The following UGT1A8 variants were observed in gnomAD, a reference collection of about 807,000 sequenced individuals.
UGT1A8 encodes the protein UDP glucuronosyltransferase family 1 member A8, also known as UDP-glucuronosyltransferase 1A8.
Under a neutral mutation model 45.3 loss-of-function variants are expected in UGT1A8, and 39 were observed. The observed-to-expected ratio is 0.86, with a 90% CI of 0.67 to 1.12. UGT1A8 has a LOEUF of 1.12. Among genes scored for constraint, UGT1A8 ranks in the 50% most tolerant of loss-of-function variants. UGT1A8 has a pLI of 0.00. For synonymous variants in UGT1A8, 275 were observed against 249.2 expected (o/e 1.10, Z -0.97); for missense variants, 719 against 664.9 (o/e 1.08, Z -0.90).
chr2:233,650,711 T>C lies in UGT1A8; in HGVS notation c.855+32149T>C, dbSNP rs182122743. 3.3e-5 allele frequency among the ~76,000 whole-genome samples: 5 copies of C among 152,242 alleles called. No individual in the cohort carries two copies. In the South Asian group the frequency reaches 8.3e-4, roughly 25 times the overall value. ...ATTGCTTCAATTGCTGCAGAATTCA[T>C]GTTGTTTTGATGGGGGCTTTTTTCC... is the stretch of plus-strand genomic sequence containing the variant. On this transcript the variant is annotated intron_variant, in intron 1 of 4. Coordinates refer to ENST00000373450, the MANE Select transcript of UGT1A8 (RefSeq NM_019076.5).
At chr2:233,677,832 T>C (rs1367285816) in intron 1 of UGT1A8, among the ~76,000 whole-genome samples, 1 of 150,914 alleles carries the variant, frequency 6.6e-6, no homozygotes, top group African/African-American at 2.5e-5. Context: ...ACTAGATATA[T>C]GTAAAAAAAA....
At chr2:233,692,827 A>T (rs2075116460) in intron 1 of UGT1A8, 1 of 1,441,400 alleles carries the variant, frequency 6.9e-7, no homozygotes, top group Non-Finnish European at 9.1e-7. Flanking sequence ...TAACCATGTG[A>T]TTAAAATGGT....
At chr2:233,724,824 G>A (rs1386605275) in intron 1 of UGT1A8, among the ~76,000 whole-genome samples, 24 of 135,740 alleles carry the variant, frequency 1.8e-4, no homozygotes, top group African/African-American at 7.1e-4. Context: ...TGCAATCTCG[G>A]CACTTTGGGA....
At chr2:233,651,580 A>C (rs924124178) in intron 1 of UGT1A8, among the ~76,000 whole-genome samples, 1 of 152,240 alleles carries the variant, frequency 6.6e-6, no homozygotes, top group Non-Finnish European at 1.5e-5. Flanking sequence ...GCCCTTTGAC[A>C]AAGAGCCTTG....
Position 233,672,089 on chromosome 2 carries a change from G to T in UGT1A8, c.855+53527G>T, listed in dbSNP as rs963277665. 1.9e-6 allele frequency: 3 copies of T among 1,614,006 alleles called. No individual in the cohort carries two copies. The African/African-American group carries it at 4.0e-5, about 22-fold the overall frequency. On this transcript the variant is annotated intron_variant, in intron 1 of 4. Transcript: ENST00000373450. ...GTGGTGGAGAAACTCATTCTCAGGG[G>T]GCATGAGGTGGTTGTAGTCATGCCA...
intron 1 of UGT1A8, among the ~76,000 whole-genome samples, chr2:233,658,517 C>T (rs1048507350): frequency 3.0e-4 from 45 of 152,278 alleles, no homozygotes; most frequent in African/African-American, 1.1e-3. Context: ...TCTCCTGTAC[C>T]GTGTGACAGT....
At chr2:233,733,488 A>G (rs1340566594) in intron 1 of UGT1A8, among the ~76,000 whole-genome samples, 1 of 152,156 alleles carries the variant, frequency 6.6e-6, no homozygotes, top group African/African-American at 2.4e-5. Context: ...TTCCATCAAT[A>G]CCTAGTTTAT....
chr2:233,722,960 A>G (rs932052619), intron 1 of UGT1A8, among the ~76,000 whole-genome samples: 1 of 141,792 alleles, frequency 7.1e-6, no homozygotes, highest in African/African-American at 2.6e-5. Context: ...GAGGAGGAGG[A>G]AGGGGAGGGA....
At chr2:233,726,567 G>A (rs142621262) in intron 1 of UGT1A8, among the ~76,000 whole-genome samples, 285 of 152,062 alleles carry the variant, frequency 1.9e-3, no homozygotes, top group African/African-American at 5.9e-3. Context: ...CCACTCTTAC[G>A]CCTGTCTCCT....
At chr2:233,633,385 A>C (rs2125456059) in intron 1 of UGT1A8, among the ~76,000 whole-genome samples, 1 of 152,284 alleles carries the variant, frequency 6.6e-6, no homozygotes, top group Middle Eastern at 3.4e-3. Flanking sequence ...AGAAGGAATG[A>C]TACCAGGCCC....
intron 1 of UGT1A8, among the ~76,000 whole-genome samples, chr2:233,656,929 T>G (rs2073867321): frequency 1.3e-5 from 2 of 152,076 alleles, no homozygotes; most frequent in Admixed American, 1.3e-4. Context: ...ACATCTTTTT[T>G]TTTTTTCCTT....
intron 1 of UGT1A8, among the ~76,000 whole-genome samples, chr2:233,666,607 T>C (rs541591900): frequency 6.6e-6 from 1 of 152,186 alleles, no homozygotes; most frequent in Admixed American, 6.5e-5. Flanking sequence ...ATGTTTTTTT[T>C]AAAGTAAACT....
In UGT1A8 at chr2:233,760,763, T is replaced by C. The variant is rs587784539; in HGVS notation, c.856-6271T>C. 4.6e-5 allele frequency: 74 copies of C among 1,613,968 alleles called. 1 individual carries two copies. In the South Asian group the frequency reaches 7.5e-4, roughly 16 times the overall value. ...GACCCTTTCCTTCCTTGCAGCCCCA[T>C]CGTGGCCCAGTACCTGTCTCTGCCC... On this transcript the variant is annotated intron_variant, in intron 1 of 4. Transcript: ENST00000373450.
At chr2:233,694,043 A>G (rs1023818564) in intron 1 of UGT1A8, among the ~76,000 whole-genome samples, 3 of 152,228 alleles carry the variant, frequency 2.0e-5, no homozygotes, top group African/African-American at 7.2e-5. Context: ...GAAGTGATAC[A>G]GAGGCATTCG....
chr2:233,708,982 G>C (rs1269882270), intron 1 of UGT1A8, among the ~76,000 whole-genome samples: 2 of 151,916 alleles, frequency 1.3e-5, no homozygotes, highest in East Asian at 3.9e-4. Flanking sequence ...CTGTTTCCTC[G>C]GCCGTGGCAT....
intron 1 of UGT1A8, among the ~76,000 whole-genome samples, chr2:233,670,523 A>G (rs28970008): frequency 0.01 from 1,584 of 152,254 alleles, 41 homozygotes; most frequent in African/African-American, 0.036. Context: ...CCTTTGCCAA[A>G]CTGTTTAATA....
At chr2:233,733,215 C>T (rs1311837703) in intron 1 of UGT1A8, among the ~76,000 whole-genome samples, 2 of 152,150 alleles carry the variant, frequency 1.3e-5, no homozygotes, top group East Asian at 3.8e-4. Flanking sequence ...TGGGCTGAGA[C>T]AATGGGGTTT....
At chr2:233,684,108 T>C (rs1313036466) in intron 1 of UGT1A8, among the ~76,000 whole-genome samples, 2 of 152,210 alleles carry the variant, frequency 1.3e-5, no homozygotes, top group Admixed American at 6.5e-5. Flanking sequence ...TTTTATCTAT[T>C]GTTCTGGCTT....
chr2:233,725,993 G>C (rs28899191), intron 1 of UGT1A8, among the ~76,000 whole-genome samples: 10,378 of 151,980 alleles, frequency 0.068, 500 homozygotes, highest in East Asian at 0.2. Flanking sequence ...TGCTGAGACT[G>C]CATCTCTACA....
Sources: allele counts gnomAD v4.1 joint callset (sites outside exome capture counted in the v4.1 genomes callset), GRCh38; gene constraint gnomAD v4.1.1; transcripts MANE v1.5; gene names NCBI Gene and HGNC (gene_info 2026-07-23, HGNC 2026-07-21).